The following ELP3 variants were observed in gnomAD, a reference collection of about 807,000 sequenced individuals.
ELP3 encodes the protein elongator complex protein 3.
A neutral mutation model predicts 74.9 loss-of-function variants in ELP3; 56 were observed. The observed-to-expected ratio is 0.75, with a 90% CI of 0.60 to 0.93. ELP3 has a LOEUF of 0.93. ELP3 is among the 40% of genes least tolerant of loss of function. The pLI is 0.00. For missense variants in ELP3, 573 were observed against 686.5 expected (o/e 0.83, Z 1.85); for synonymous variants, 222 against 239.8 (o/e 0.93, Z 0.68).
intron 14 of ELP3, among the ~76,000 whole-genome samples, chr8:28,179,419 G>A (rs1244003809): frequency 1.3e-5 from 2 of 152,132 alleles, no homozygotes; most frequent in Non-Finnish European, 2.9e-5. Context: ...GTATACAAAT[G>A]TCTTTACTTT....
At chr8:28,103,594 CTA>C (rs1242255359) in intron 3 of ELP3, among the ~76,000 whole-genome samples, 3 of 152,206 alleles carry the variant, frequency 2.0e-5, no homozygotes, top group Non-Finnish European at 4.4e-5. Context: ...TATAGTAAGA[CTA>C]TGTTTCACTT....
At position 28,177,362 on chromosome 8, in the gene ELP3, C is replaced by T. The variant is rs540319535; in HGVS notation, c.1568-12287C>T. 4.6e-4 allele frequency among the ~76,000 whole-genome samples: 70 copies of T among 152,238 alleles called. 1 individual carries two copies. In the South Asian group the frequency reaches 0.013, roughly 29 times the overall value. On this transcript the variant is annotated intron_variant, in intron 14 of 14. Transcript: ENST00000256398. The stretch of plus-strand genomic sequence containing the variant: ...TGTACATTGTTGAAGAGTAAAATAT[C>T]GCCATCCTGGCAGGAGATCAATGAG...
chr8:28,092,583 T>G (rs767169211), upstream of ELP3, among the ~76,000 whole-genome samples: 178 of 152,178 alleles, frequency 1.2e-3, no homozygotes, highest in Non-Finnish European at 2.1e-3. Context: ...TCCCGAGATG[T>G]TATTTTCCTT....
At chr8:28,174,585 T>A (rs1203282116) in intron 14 of ELP3, among the ~76,000 whole-genome samples, 1 of 152,146 alleles carries the variant, frequency 6.6e-6, no homozygotes, top group African/African-American at 2.4e-5. Flanking sequence ...ACAGATTACA[T>A]CTTTTTACCT....
Position 28,137,822 on chromosome 8 carries a change from AC to A in ELP3, c.1033del (p.Leu345TrpfsTer9). 1 of 1,613,976 alleles carries A rather than the reference AC, an allele frequency of 6.2e-7. No individual in the cohort carries two copies. The highest frequency in any genetic ancestry group is 8.5e-7 in the Non-Finnish European group (1 of 1,179,986). ...AGATATAAGAGTTACTCTCCTAGTG[AC>A]CTGGTTGAATTGGTGGCTCGGATCC... Reference protein sequence around the residue: ...SGRYKSYSPSDLVELVARILA... With the variant: ...SGRYKSYSPSXLVELVARILA... On this transcript the variant is annotated frameshift_variant, in exon 10 of 15. Coordinates refer to ENST00000256398, the MANE Select transcript of ELP3 (RefSeq NM_018091.6). LOFTEE classifies it high-confidence loss of function.
intron 8 of ELP3, among the ~76,000 whole-genome samples, chr8:28,131,746 A>G (rs574435612): frequency 1.8e-4 from 27 of 152,150 alleles, no homozygotes; most frequent in African/African-American, 6.5e-4. Flanking sequence ...CTCTCTTTCT[A>G]CTGTTATTTA....
chr8:28,114,321 C>A (rs1200783728), intron 7 of ELP3, among the ~76,000 whole-genome samples: 1 of 152,016 alleles, frequency 6.6e-6, no homozygotes, highest in Admixed American at 6.6e-5. Flanking sequence ...CTGTGTTAAT[C>A]CATTTGTGTC....
In ELP3 at chr8:28,114,195, G is replaced by C. The variant is rs967080963; in HGVS notation, c.617+1022G>C. The stretch of plus-strand genomic sequence containing the variant: ...TGGAAAGTGGTGATATTTAGGCTGA[G>C]ACCGGAAGTACAAGGAGGAGTTAGG... On this transcript the variant is annotated intron_variant, in intron 7 of 14. Transcript: ENST00000256398. Among the ~76,000 whole-genome samples the C allele has an allele frequency of 2.6e-5, 4 of 151,544 alleles. No individual in the cohort carries two copies. In the South Asian group the frequency reaches 8.4e-4, roughly 32 times the overall value.
At chr8:28,143,132 C>T (rs1813309241) in intron 10 of ELP3, among the ~76,000 whole-genome samples, 1 of 152,160 alleles carries the variant, frequency 6.6e-6, no homozygotes, top group Admixed American at 6.5e-5. Context: ...TTCTTAACAG[C>T]CACTGAAATC....
intron 8 of ELP3, among the ~76,000 whole-genome samples, chr8:28,130,735 G>T (rs758568709): frequency 6.6e-6 from 1 of 152,224 alleles, no homozygotes; most frequent in Non-Finnish European, 1.5e-5. Context: ...TCATGGAAGA[G>T]TCTGAGTTGG....
At chr8:28,100,075 T>C (rs1585632047) in intron 3 of ELP3, 109 bp downstream of exon 3, 1 of 1,386,346 alleles carries the variant, frequency 7.2e-7, no homozygotes, top group East Asian at 2.3e-5. Flanking sequence ...GATTCTGAAC[T>C]AATGAAGTCC....
chr8:28,122,851 G>A (rs1304748671), intron 7 of ELP3, among the ~76,000 whole-genome samples: 2 of 152,118 alleles, frequency 1.3e-5, no homozygotes, highest in South Asian at 2.1e-4. Flanking sequence ...TTGGCCAGGC[G>A]CAATGGCTCA....
At chr8:28,170,706 T>G (rs1339094559) in intron 14 of ELP3, among the ~76,000 whole-genome samples, 1 of 152,154 alleles carries the variant, frequency 6.6e-6, no homozygotes, top group Non-Finnish European at 1.5e-5. Flanking sequence ...TAAGAAAATT[T>G]TTTTCATTTG....
chr8:28,136,247 C>T (rs1420379981), intron 9 of ELP3, among the ~76,000 whole-genome samples: 1 of 152,190 alleles, frequency 6.6e-6, no homozygotes, highest in Admixed American at 6.5e-5. Flanking sequence ...CAGGTGTGAG[C>T]CACTGCGCCT....
intron 1 of ELP3, 44 bp from the exon 2 acceptor site, chr8:28,097,175 T>G: frequency 7.4e-7 from 1 of 1,353,394 alleles, no homozygotes; most frequent in Non-Finnish European, 1.0e-6. Context: ...AAAATCTTGA[T>G]TGAATGATAC....
chr8:28,134,132 G>T (rs767649872), intron 9 of ELP3, among the ~76,000 whole-genome samples: 9 of 152,104 alleles, frequency 5.9e-5, no homozygotes, highest in Non-Finnish European at 1.2e-4. Context: ...AGGCCCCGGG[G>T]TATGATGTTC....
At chr8:28,094,876 A>T (rs977278286) in intron 1 of ELP3, among the ~76,000 whole-genome samples, 30 of 152,248 alleles carry the variant, frequency 2.0e-4, no homozygotes, top group African/African-American at 7.0e-4. Context: ...CCATTTGAGT[A>T]GTATCCATAT....
Position 28,110,420 on chromosome 8 carries a change from A to G in ELP3, c.444A>G (p.Thr148=), listed in dbSNP as rs1406578725. Residue 148 remains threonine, a synonymous_variant, in exon 6 of 15, where the codon ACA becomes ACG. Coordinates refer to ENST00000256398, the MANE Select transcript of ELP3 (RefSeq NM_018091.6). The part of the protein sequence containing the change: ...IRARYDPFLQ[T]RHRIEQLKQL... ...CCAGATATGACCCTTTCCTACAGAC[A>G]AGACACCGAATAGAACAGGTACATT... 1 of 1,613,714 alleles carries G rather than the reference A, an allele frequency of 6.2e-7. No individual in the cohort carries two copies.
At chr8:28,144,698 A>G (rs1813365396) in intron 10 of ELP3, among the ~76,000 whole-genome samples, 1 of 152,226 alleles carries the variant, frequency 6.6e-6, no homozygotes, top group Non-Finnish European at 1.5e-5. Flanking sequence ...TGGTAACTAG[A>G]ATTTTGGAAT....
Sources: gnomAD v4.1 joint callset for allele counts (sites outside exome capture counted in the v4.1 genomes callset) on GRCh38, gnomAD v4.1.1 for gene constraint, MANE v1.5 for transcripts, NCBI Gene and HGNC (gene_info 2026-07-23, HGNC 2026-07-21) for gene names.